CRHR2: variants seen among roughly 807,000 people sequenced by gnomAD.
CRHR2 encodes corticotropin-releasing hormone receptor 2.
A neutral mutation model predicts 57.9 loss-of-function variants in CRHR2; 53 were observed. The ratio of observed to expected loss-of-function variants is 0.92; its 90% CI spans 0.73 to 1.15. CRHR2 has a LOEUF of 1.15. Among genes scored for constraint, CRHR2 ranks in the 50% most tolerant of loss-of-function variants. The pLI is 0.00. For missense variants in CRHR2, 532 were observed against 542.6 expected, an observed-to-expected ratio of 0.98 and a Z score of 0.19; for synonymous variants, 213 against 220.9, an observed-to-expected ratio of 0.96 and a Z score of 0.32.
chr7:30,666,190 G>A (rs948235381), intron 3 of CRHR2, among the ~76,000 whole-genome samples: 1 of 151,962 alleles, frequency 6.6e-6, no homozygotes, highest in Non-Finnish European at 1.5e-5. Context: ...CAGTTTTGAT[G>A]TCTATACAAT....
intron 2 of CRHR2, 45 bp from the exon 3 acceptor site, chr7:30,667,358 C>G (rs767120759): frequency 1.3e-6 from 2 of 1,558,786 alleles, no homozygotes; most frequent in Non-Finnish European, 8.8e-7. Context: ...CTCCCCTCCT[C>G]AAGAACCCTC....
chr7:30,657,766 G>GTCCATCCA (rs372801059), intron 8 of CRHR2, among the ~76,000 whole-genome samples: 2 of 151,604 alleles, frequency 1.3e-5, no homozygotes, highest in African/African-American at 2.4e-5. Context: ...TTATCCATCC[G>GTCCATCCA]TCCATCCATC....
upstream of CRHR2, among the ~76,000 whole-genome samples, chr7:30,685,868 C>T (rs1584135179): frequency 6.6e-6 from 1 of 152,204 alleles, no homozygotes; most frequent in African/African-American, 2.4e-5. Context: ...CACTCTTCCT[C>T]ATAGGAGTGC....
chr7:30,678,095 G>A (rs530690675), intron 2 of CRHR2, among the ~76,000 whole-genome samples: 3 of 152,268 alleles, frequency 2.0e-5, no homozygotes, highest in East Asian at 3.9e-4. Context: ...CCCCTCACAG[G>A]GCCAGCTCTG....
intron 1 of CRHR2, among the ~76,000 whole-genome samples, chr7:30,690,687 A>T: frequency 7.2e-6 from 1 of 138,174 alleles, no homozygotes; most frequent in East Asian, 1.9e-4. Flanking sequence ...TGGAAGCTGC[A>T]TGCTCAGCCC....
At chr7:30,699,300 G>A (rs1785120020) in intron 1 of CRHR2, among the ~76,000 whole-genome samples, 1 of 152,128 alleles carries the variant, frequency 6.6e-6, no homozygotes, top group African/African-American at 2.4e-5. Context: ...GGCACGGGGT[G>A]TGGCTGGATG....
chr7:30,692,762 C>T (rs1400819024), intron 1 of CRHR2, among the ~76,000 whole-genome samples: 1 of 152,210 alleles, frequency 6.6e-6, no homozygotes, highest in Non-Finnish European at 1.5e-5. Flanking sequence ...GGATTGAATC[C>T]TCACGGCAGT....
At chr7:30,689,227 A>G in exon 2 of CRHR2, 3 of 1,550,422 alleles carry the variant, frequency 1.9e-6, no homozygotes, top group Non-Finnish European at 2.6e-6. Flanking sequence ...GTGTGGCAGT[A>G]CTGCTCCAGA....
At position 30,682,191 on chromosome 7, in the gene CRHR2, G is replaced by T. The variant is rs777690650; in HGVS notation, c.90C>A (p.Pro30=). Residue 30 remains proline (P), a synonymous_variant, in exon 1 of 12, where the codon CCC becomes CCA. Coordinates refer to ENST00000471646, the MANE Select transcript of CRHR2 (RefSeq NM_001883.5). ...CCTCCCGCCTACCCTCGGGGTCCAG[G>T]GGTGGCCCCCAGCCGTCCAAGAGCA... is the stretch of plus-strand genomic sequence containing the variant. ...EELLLDGWGP[P]LDPEGPYSYC... is the part of the protein sequence containing the mutation. 7 of 1,584,868 alleles carry T rather than the reference G, an allele frequency of 4.4e-6. No individual in the cohort carries two copies. Among genetic ancestry groups the T allele is most frequent in the Non-Finnish European group, 5.1e-6 (6 of 1,173,832 alleles).
chr7:30,675,512 T>A (rs931764450), intron 2 of CRHR2, among the ~76,000 whole-genome samples: 1 of 152,206 alleles, frequency 6.6e-6, no homozygotes, highest in Non-Finnish European at 1.5e-5. Context: ...GCAGCCGCTG[T>A]CTCTAAAGCC....
At chr7:30,678,723 A>T (rs1784600845) in intron 2 of CRHR2, among the ~76,000 whole-genome samples, 1 of 152,090 alleles carries the variant, frequency 6.6e-6, no homozygotes, top group African/African-American at 2.4e-5. Flanking sequence ...CCTCAAAGTC[A>T]ACACATCCCC....
intron 1 of CRHR2, among the ~76,000 whole-genome samples, chr7:30,696,444 A>G (rs1260671382): frequency 6.6e-6 from 1 of 152,206 alleles, no homozygotes; most frequent in Non-Finnish European, 1.5e-5. Context: ...AATTAAGGCC[A>G]GGCGCGGTGG....
chr7:30,682,091 G>A (rs527252978), intron 1 of CRHR2, 51 bp from the exon 2 acceptor site: 28 of 1,544,222 alleles, frequency 1.8e-5, no homozygotes, highest in South Asian at 3.6e-5. Context: ...GCAGGGACGC[G>A]GGGCTCTCGG....
chr7:30,691,248 T>C (rs1006372309), intron 1 of CRHR2, among the ~76,000 whole-genome samples: 1 of 152,208 alleles, frequency 6.6e-6, no homozygotes, highest in Non-Finnish European at 1.5e-5. Context: ...CAGCTAGTAA[T>C]GCCCTCTGTG....
chr7:30,680,613 C>G (rs1393509553), intron 2 of CRHR2, among the ~76,000 whole-genome samples: 1 of 152,148 alleles, frequency 6.6e-6, no homozygotes, highest in Non-Finnish European at 1.5e-5. Flanking sequence ...ATTCCTTCTG[C>G]TTGCACACCT....
intron 2 of CRHR2, among the ~76,000 whole-genome samples, chr7:30,679,632 G>A (rs1024152623): frequency 1.3e-5 from 2 of 152,118 alleles, no homozygotes; most frequent in African/African-American, 4.8e-5. Context: ...TGCTCTCTAA[G>A]GAATGAGGCT....
At chr7:30,654,090 C>T (rs547854940) in intron 11 of CRHR2, among the ~76,000 whole-genome samples, 3 of 152,306 alleles carry the variant, frequency 2.0e-5, no homozygotes, top group African/African-American at 7.2e-5. Context: ...CCCTGCCTGA[C>T]TAACCATGGC....
chr7:30,655,555 G>T, intron 10 of CRHR2, 25 bp downstream of exon 10: 1 of 1,600,236 alleles, frequency 6.2e-7, no homozygotes, highest in Non-Finnish European at 8.5e-7. Flanking sequence ...TCACTGTGGG[G>T]CCCCCATCTG....
Position 30,662,749 on chromosome 7 carries a change from G to A in CRHR2, c.642C>T (p.Val214=). The change falls in exon 6 of 12, where the codon GTC becomes GTT. Residue 214 remains valine, a synonymous_variant. Coordinates refer to ENST00000471646, the MANE Select transcript of CRHR2 (RefSeq NM_001883.5). Reference sequence around the variant, plus strand: ...GCAGGCGCTCAGTGGAGTAGGTCATGACAATGGCCGTGTGCAGGTAGCAGC... The same window carrying A: ...GCAGGCGCTCAGTGGAGTAGGTCATAACAATGGCCGTGTGCAGGTAGCAGC... ...VEGCYLHTAI[V]MTYSTERLRK... 6.2e-7 allele frequency: 1 copy of A among 1,614,252 alleles called. No homozygotes were observed. Among genetic ancestry groups the A allele is most frequent in the Non-Finnish European group, 8.5e-7 (1 of 1,180,052 alleles).
Sources: allele counts gnomAD v4.1 joint callset (sites outside exome capture counted in the v4.1 genomes callset), GRCh38; gene constraint gnomAD v4.1.1; transcripts MANE v1.5; gene names NCBI Gene and HGNC (gene_info 2026-07-23, HGNC 2026-07-21).